Variants in PRKG1 observed in about 807,000 individuals in gnomAD.
PRKG1 encodes the protein protein kinase cGMP-dependent 1, also known as cGMP-dependent protein kinase 1.
PRKG1 carries 35 observed loss-of-function variants against 88.1 expected under a neutral mutation model. The ratio of observed to expected loss-of-function variants is 0.40; its 90% confidence interval spans 0.30 to 0.53. The LOEUF is 0.53. Ranked by LOEUF, PRKG1 falls within the 20% of genes least tolerant of loss-of-function variation. The probability of loss-of-function intolerance (pLI) is 0.59; values close to 1 mark genes in which losing one functional copy is unlikely to be tolerated. For missense variants in PRKG1, 540 were observed against 839.8 expected (o/e 0.64, Z 4.41); for synonymous variants, 303 against 292.5 (o/e 1.04, Z -0.37).
chr10:51,905,174 T>C (rs2132941403), intron 4 of PRKG1, among the ~76,000 whole-genome samples: 1 of 152,284 alleles, frequency 6.6e-6, no homozygotes, highest in South Asian at 2.1e-4. Flanking sequence ...TCTCCTTCTG[T>C]CTTTATGTGA....
At chr10:51,536,433 A>G (rs1842153069) in intron 3 of PRKG1, among the ~76,000 whole-genome samples, 1 of 152,078 alleles carries the variant, frequency 6.6e-6, no homozygotes, top group Non-Finnish European at 1.5e-5. Flanking sequence ...TCTGGATATT[A>G]GAGCTTTGTT....
At chr10:51,944,322 G>C (rs1393429829) in intron 5 of PRKG1, among the ~76,000 whole-genome samples, 2 of 151,860 alleles carry the variant, frequency 1.3e-5, no homozygotes, top group Non-Finnish European at 2.9e-5. Flanking sequence ...ATTTTTTATT[G>C]CGCCTATTTG....
rs890201875 is a variant in PRKG1, at chr10:51,753,134, T to C, written c.593-51451T>C. 2.0e-5 allele frequency among the ~76,000 whole-genome samples: 3 copies of C among 152,146 alleles called. 1 individual carries two copies. ...GTCTAATTATATTACAAATGATAGA[T>C]AGTTGTGTTCTTTTAGTAAGCTTTT... On this transcript the variant is annotated intron_variant, in intron 3 of 17. Transcript: ENST00000373980.
chr10:51,969,303 A>G (rs1487737609), intron 5 of PRKG1, among the ~76,000 whole-genome samples: 2 of 152,162 alleles, frequency 1.3e-5, no homozygotes, highest in African/African-American at 2.4e-5. Context: ...AATCATCATC[A>G]TGCCTCATAA....
At position 52,254,072 on chromosome 10, in the gene PRKG1, A is replaced by C. The variant is rs545705721; in HGVS notation, c.1173+2406A>C. Among the ~76,000 whole-genome samples the C allele has an allele frequency of 2.0e-5, 3 of 152,150 alleles. No homozygotes were observed. In the East Asian group the frequency reaches 5.8e-4, roughly 29 times the overall value. ...TTGGGGTATTAAAATATTATCTGTG[A>C]TTGTTCATCTTTTACATACATTCAA... On this transcript the variant is annotated intron_variant, in intron 10 of 17. Coordinates refer to ENST00000373980, the MANE Select transcript of PRKG1 (RefSeq NM_006258.4).
rs148700545 is a variant in PRKG1, at chr10:52,120,463, A to G, written c.936-13377A>G. Among the ~76,000 whole-genome samples, 20 of 152,290 alleles carry G rather than the reference A, an allele frequency of 1.3e-4. No homozygotes were observed. The East Asian group carries it at 3.5e-3, about 26-fold the overall frequency. On this transcript the variant is annotated intron_variant, in intron 7 of 17. Transcript: ENST00000373980. The stretch of plus-strand genomic sequence containing the variant: ...GACTCAAGGCATGATTCATTTTGAG[A>G]CAAATTCTCTCCAGCTGTGAGCCTA...
At chr10:51,542,274 A>G (rs923367021) in intron 3 of PRKG1, among the ~76,000 whole-genome samples, 7 of 152,154 alleles carry the variant, frequency 4.6e-5, no homozygotes, top group African/African-American at 1.4e-4. Context: ...ACCAGAAAAA[A>G]CATAACAGCA....
At chr10:51,507,292 A>G (rs1042183354) in intron 3 of PRKG1, among the ~76,000 whole-genome samples, 5 of 141,742 alleles carry the variant, frequency 3.5e-5, no homozygotes, top group East Asian at 1.9e-4. Flanking sequence ...CCTAAAACTT[A>G]AAGTATAAAA....
intron 4 of PRKG1, among the ~76,000 whole-genome samples, chr10:51,822,263 A>G (rs531191082): frequency 6.6e-6 from 1 of 152,218 alleles, no homozygotes; most frequent in East Asian, 1.9e-4. Flanking sequence ...AAATACTGCC[A>G]TTCGCAACAT....
intron 1 of PRKG1, among the ~76,000 whole-genome samples, chr10:51,126,497 A>C (rs1845425575): frequency 1.4e-5 from 2 of 144,462 alleles, no homozygotes; most frequent in Admixed American, 1.4e-4. Context: ...TAAATGTATA[A>C]ATTATATAAT....
chr10:51,691,372 A>T (rs1458138842), intron 3 of PRKG1, among the ~76,000 whole-genome samples: 1 of 148,472 alleles, frequency 6.7e-6, no homozygotes, highest in Non-Finnish European at 1.5e-5. Flanking sequence ...CAGTGGCGAG[A>T]TCCCGGCTCA....
intron 5 of PRKG1, among the ~76,000 whole-genome samples, chr10:52,038,032 G>C (rs1018252179): frequency 1.6e-4 from 25 of 152,198 alleles, no homozygotes; most frequent in Non-Finnish European, 1.0e-4. Context: ...TTTACGACAA[G>C]AATTACTTAG....
At chr10:52,263,993 T>C (rs1841500618) in intron 10 of PRKG1, among the ~76,000 whole-genome samples, 2 of 152,156 alleles carry the variant, frequency 1.3e-5, no homozygotes, top group African/African-American at 4.8e-5. Context: ...ATAATCTAAA[T>C]ACCCAGTTAT....
intron 5 of PRKG1, among the ~76,000 whole-genome samples, chr10:51,935,595 A>G (rs920618904): frequency 6.6e-6 from 1 of 151,964 alleles, no homozygotes; most frequent in South Asian, 2.1e-4. Context: ...CTCATATATC[A>G]CTCAGTCATG....
At chr10:50,999,688 G>A (rs1465144230) in intron 1 of PRKG1, among the ~76,000 whole-genome samples, 4 of 152,150 alleles carry the variant, frequency 2.6e-5, no homozygotes, top group African/African-American at 9.7e-5. Context: ...TGTCTAATAA[G>A]CAAATCTATA....
rs73342924 is a variant in PRKG1, at chr10:52,073,980, A to C, written c.935+11349A>C. Among the ~76,000 whole-genome samples, 614 of 152,300 alleles carry C rather than the reference A, an allele frequency of 4.0e-3. 4 individuals carry two copies. The highest frequency in any genetic ancestry group is 0.014 in the African/African-American group (576 of 41,568). On this transcript the variant is annotated intron_variant, in intron 7 of 17. Coordinates refer to ENST00000373980, the MANE Select transcript of PRKG1 (RefSeq NM_006258.4). ...AAACAAAATTTGAATCCTTCCTCTG[A>C]ACTTCTCTGAACACCTTCACCTGAA...
intron 1 of PRKG1, among the ~76,000 whole-genome samples, chr10:51,022,645 A>C (rs1265470169): frequency 6.6e-6 from 1 of 152,174 alleles, no homozygotes; most frequent in African/African-American, 2.4e-5. Flanking sequence ...AACACAATAT[A>C]GGAAGAACAA....
chr10:51,700,136 A>C (rs2132412110), intron 3 of PRKG1, among the ~76,000 whole-genome samples: 1 of 152,354 alleles, frequency 6.6e-6, no homozygotes, highest in South Asian at 2.1e-4. Context: ...ACAGTATTAT[A>C]TCTCCTTTTT....
chr10:52,118,816 T>A (rs970986754), intron 7 of PRKG1, among the ~76,000 whole-genome samples: 6 of 152,206 alleles, frequency 3.9e-5, no homozygotes, highest in African/African-American at 1.4e-4. Flanking sequence ...GCAAGCTAGC[T>A]CTTTATTCAG....
Sources: allele counts gnomAD v4.1 joint callset (sites outside exome capture counted in the v4.1 genomes callset), GRCh38; gene constraint gnomAD v4.1.1; transcripts MANE v1.5; gene names NCBI Gene and HGNC (gene_info 2026-07-23, HGNC 2026-07-21).